Variants in CLIP4 observed in about 807,000 individuals in gnomAD.
The protein encoded by CLIP4 is CAP-Gly domain-containing linker protein 4.
A neutral mutation model predicts 73.1 loss-of-function variants in CLIP4; 47 were observed. The ratio of observed to expected loss-of-function variants is 0.64; its 90% CI spans 0.51 to 0.82. The LOEUF (loss-of-function observed/expected upper bound fraction) is 0.82. Ranked by LOEUF, CLIP4 falls within the 40% of genes least tolerant of loss-of-function variation. The pLI, the probability that CLIP4 is intolerant of heterozygous loss-of-function variation, is 0.00. For synonymous variants in CLIP4, 306 were observed against 295.4 expected, an observed-to-expected ratio of 1.04 and a Z score of -0.37; for missense variants, 874 against 852.9, an observed-to-expected ratio of 1.02 and a Z score of -0.31.
At chr2:29,138,364 C>T (rs1430924293) in intron 6 of CLIP4, among the ~76,000 whole-genome samples, 1 of 151,798 alleles carries the variant, frequency 6.6e-6, no homozygotes, top group Non-Finnish European at 1.5e-5. Flanking sequence ...GTCTATATGT[C>T]TATTTTTTTT....
At chr2:29,121,847 C>G (rs1664269592) in intron 2 of CLIP4, among the ~76,000 whole-genome samples, 1 of 152,106 alleles carries the variant, frequency 6.6e-6, no homozygotes. Context: ...GTTAAATATA[C>G]TGACTTGCTA....
At chr2:29,103,558 C>T (rs79294950) in intron 1 of CLIP4, among the ~76,000 whole-genome samples, 4,018 of 152,168 alleles carry the variant, frequency 0.026, 145 homozygotes, top group East Asian at 0.091. Context: ...CTACAATACC[C>T]ATTTCATAAA....
intron 6 of CLIP4, among the ~76,000 whole-genome samples, chr2:29,140,326 G>A (rs9752030): frequency 0.16 from 24,418 of 151,820 alleles, 2,309 homozygotes; most frequent in Middle Eastern, 0.26. Context: ...GAGAATATGC[G>A]GTGTTTGGTT....
At position 29,141,778 on chromosome 2, in the gene CLIP4, A is replaced by G. The variant is rs886651534; in HGVS notation, c.649-1931A>G. 1.2e-4 allele frequency among the ~76,000 whole-genome samples: 18 copies of G among 151,354 alleles called. 1 individual carries two copies. The highest frequency in any genetic ancestry group is 3.3e-4 in the Admixed American group (5 of 15,224). On this transcript the variant is annotated intron_variant, in intron 6 of 15. Transcript: ENST00000320081. ...TTTTTTTAATCCGATTTCCCACTCT[A>G]TGTCTTTTGAGTGCTGTGTTTAGGC...
intron 1 of CLIP4, chr2:29,118,063 T>TA (rs1458349038): frequency 6.6e-6 from 1 of 152,204 alleles, no homozygotes; most frequent in Non-Finnish European, 1.5e-5. Context: ...TTTAAATACT[T>TA]ACGTGGTGAG....
chr2:29,146,794 T>C (rs1666200822), intron 8 of CLIP4, among the ~76,000 whole-genome samples: 1 of 152,146 alleles, frequency 6.6e-6, no homozygotes, highest in African/African-American at 2.4e-5. Flanking sequence ...TTCTGTGAAA[T>C]AGGGATGACA....
intron 9 of CLIP4, among the ~76,000 whole-genome samples, 158 bp from the exon 10 acceptor site, chr2:29,156,196 A>T (rs1030361197): frequency 6.6e-6 from 1 of 152,210 alleles, no homozygotes; most frequent in Non-Finnish European, 1.5e-5. Context: ...GCTAGTGCTT[A>T]TACCAAAACA....
At chr2:29,104,694 T>G (rs1310448823) in intron 1 of CLIP4, among the ~76,000 whole-genome samples, 2 of 152,186 alleles carry the variant, frequency 1.3e-5, no homozygotes, top group Non-Finnish European at 1.5e-5. Context: ...GCCTTTGCAA[T>G]AGAGGCACAC....
intron 2 of CLIP4, among the ~76,000 whole-genome samples, chr2:29,124,611 G>A (rs199533530): frequency 3.1e-5 from 1 of 32,474 alleles, no homozygotes; most frequent in Non-Finnish European, 9.8e-5. Flanking sequence ...ATAACTCACT[G>A]ATTTATTTTA....
At chr2:29,110,234 A>C (rs1290967849) in intron 1 of CLIP4, among the ~76,000 whole-genome samples, 1 of 152,164 alleles carries the variant, frequency 6.6e-6, no homozygotes, top group Non-Finnish European at 1.5e-5. Flanking sequence ...GGCTCAATGG[A>C]GTCCTCTTCA....
chr2:29,153,241 G>A (rs766590281), intron 9 of CLIP4, among the ~76,000 whole-genome samples: 5 of 151,996 alleles, frequency 3.3e-5, no homozygotes, highest in Non-Finnish European at 5.9e-5. Flanking sequence ...AGTCTCACAC[G>A]GCTTCCATAG....
chr2:29,107,223 GT>G (rs1177547654), intron 1 of CLIP4, among the ~76,000 whole-genome samples: 1 of 152,032 alleles, frequency 6.6e-6, no homozygotes, highest in Non-Finnish European at 1.5e-5. Flanking sequence ...GAGTGGATTG[GT>G]TTTGTAAACA....
upstream of CLIP4, among the ~76,000 whole-genome samples, chr2:29,112,829 A>T (rs1224368639): frequency 6.6e-6 from 1 of 152,254 alleles, no homozygotes; most frequent in African/African-American, 2.4e-5. Flanking sequence ...ATACACTCAC[A>T]AATTAGAAAC....
intron 14 of CLIP4, chr2:29,167,827 C>T: frequency 3.9e-6 from 1 of 255,484 alleles, no homozygotes; most frequent in African/African-American, 2.2e-5. Flanking sequence ...CCTTGATTCT[C>T]TTTATTTTTG....
At chr2:29,151,118 T>G (rs1666536879) in intron 8 of CLIP4, among the ~76,000 whole-genome samples, 1 of 152,174 alleles carries the variant, frequency 6.6e-6, no homozygotes, top group Non-Finnish European at 1.5e-5. Context: ...GAGTATTTTC[T>G]CATGATTCAT....
intron 14 of CLIP4, among the ~76,000 whole-genome samples, chr2:29,169,800 A>G (rs1351009068): frequency 1.3e-5 from 2 of 152,156 alleles, no homozygotes; most frequent in African/African-American, 4.8e-5. Flanking sequence ...ACTTAAATAT[A>G]CAATGTTGTT....
At chr2:29,121,337 TA>T (rs1355460560) in intron 1 of CLIP4, 36 bp from the exon 2 acceptor site, 1 of 1,553,248 alleles carries the variant, frequency 6.4e-7, no homozygotes, top group South Asian at 1.2e-5. Context: ...TGCATACAAA[TA>T]AAGTAGAAAC....
intron 14 of CLIP4, among the ~76,000 whole-genome samples, chr2:29,173,388 G>C (rs1416927511): frequency 6.6e-6 from 1 of 152,162 alleles, no homozygotes; most frequent in Non-Finnish European, 1.5e-5. Flanking sequence ...CTGAGAGTGA[G>C]CTGTTGGGGA....
At chr2:29,181,338 A>G (rs1032779520) in intron 15 of CLIP4, among the ~76,000 whole-genome samples, 1 of 152,174 alleles carries the variant, frequency 6.6e-6, no homozygotes, top group African/African-American at 2.4e-5. Flanking sequence ...GCGGAGGTGG[A>G]AGAAACTTCT....
Sources: gnomAD v4.1 joint callset for allele counts (sites outside exome capture counted in the v4.1 genomes callset) on GRCh38, gnomAD v4.1.1 for gene constraint, MANE v1.5 for transcripts, NCBI Gene and HGNC (gene_info 2026-07-23, HGNC 2026-07-21) for gene names.